GRM1: variants seen among roughly 807,000 people sequenced by gnomAD.
GRM1 encodes the protein glutamate metabotropic receptor 1.
A neutral mutation model predicts 90.9 loss-of-function variants in GRM1; 33 were observed. The observed-to-expected ratio is 0.36, with a 90% CI of 0.28 to 0.49. The LOEUF is 0.49. GRM1 is among the 20% of genes least tolerant of loss of function. GRM1 has a pLI of 0.99. For missense variants in GRM1, 1,190 were observed against 1,534.3 expected (o/e 0.78, Z 3.75); for synonymous variants, 700 against 613.2 (o/e 1.14, Z -2.09).
At chr6:146,276,819 G>A (rs1782385740) in intron 2 of GRM1, among the ~76,000 whole-genome samples, 1 of 152,158 alleles carries the variant, frequency 6.6e-6, no homozygotes, top group African/African-American at 2.4e-5. Context: ...GTTCTCCAGA[G>A]GCAGGGCACG....
At chr6:146,300,543 G>C (rs756058579) in intron 2 of GRM1, among the ~76,000 whole-genome samples, 1 of 152,184 alleles carries the variant, frequency 6.6e-6, no homozygotes, top group Non-Finnish European at 1.5e-5. Context: ...AAGAATTCTC[G>C]TATGTTAGTG....
In GRM1 at chr6:146,227,449, A is replaced by T. The variant is rs76969109; in HGVS notation, c.950+67852A>T. Among the ~76,000 whole-genome samples the T allele has an allele frequency of 4.4e-3, 675 of 152,304 alleles. 1 individual carries two copies. The highest frequency in any genetic ancestry group is 7.4e-3 in the Non-Finnish European group (500 of 68,018). Reference sequence around the variant, plus strand: ...AAATGTATAATGACATGTGTCCAGCATTGTAGTATCACACAGAATAGTTGC... The same window carrying T: ...AAATGTATAATGACATGTGTCCAGCTTTGTAGTATCACACAGAATAGTTGC... On this transcript the variant is annotated intron_variant, in intron 2 of 7. Coordinates refer to ENST00000282753, the MANE Select transcript of GRM1 (RefSeq NM_001278064.2).
At chr6:146,400,412 A>T (rs1181786343) in intron 7 of GRM1, among the ~76,000 whole-genome samples, 1 of 152,202 alleles carries the variant, frequency 6.6e-6, no homozygotes, top group Non-Finnish European at 1.5e-5. Context: ...AAATAAAAAA[A>T]AATAAAAAAA....
chr6:146,421,933 A>G (rs898508785), intron 7 of GRM1, among the ~76,000 whole-genome samples: 4 of 152,190 alleles, frequency 2.6e-5, no homozygotes, highest in African/African-American at 9.7e-5. Flanking sequence ...GCAAAAATGC[A>G]TTTGGCTTTG....
chr6:146,362,773 G>T (rs996348966), intron 5 of GRM1, among the ~76,000 whole-genome samples: 1 of 149,726 alleles, frequency 6.7e-6, no homozygotes, highest in Non-Finnish European at 1.5e-5. Context: ...CCTAAGAAAA[G>T]AAGACTGCTT....
chr6:146,303,864 T>C (rs1583298198), intron 2 of GRM1, among the ~76,000 whole-genome samples: 1 of 152,296 alleles, frequency 6.6e-6, no homozygotes, highest in African/African-American at 2.4e-5. Context: ...CTGGCTCACA[T>C]GTGCACCTGA....
chr6:146,275,587 C>T (rs1782326969), intron 2 of GRM1, among the ~76,000 whole-genome samples: 1 of 152,002 alleles, frequency 6.6e-6, no homozygotes, highest in Admixed American at 6.6e-5. Flanking sequence ...CTATCTCTAT[C>T]CCTATCCATA....
At chr6:146,393,768 T>C (rs1490167253) in intron 6 of GRM1, among the ~76,000 whole-genome samples, 1 of 152,098 alleles carries the variant, frequency 6.6e-6, no homozygotes, top group Non-Finnish European at 1.5e-5. Context: ...AAAACTACTT[T>C]AAATTTCATA....
At chr6:146,420,429 C>G (rs538670643) in intron 7 of GRM1, among the ~76,000 whole-genome samples, 31 of 152,286 alleles carry the variant, frequency 2.0e-4, no homozygotes, top group Admixed American at 9.2e-4. Flanking sequence ...AGGGATATGC[C>G]CTGTGGTAGA....
intron 1 of GRM1, among the ~76,000 whole-genome samples, chr6:146,114,370 A>G (rs1276370287): frequency 2.0e-5 from 3 of 152,216 alleles, no homozygotes; most frequent in Admixed American, 6.5e-5. Flanking sequence ...GATTTGTTCT[A>G]AAATTAAAAA....
intron 1 of GRM1, among the ~76,000 whole-genome samples, chr6:146,099,201 A>G (rs1562462126): frequency 6.6e-6 from 1 of 152,142 alleles, no homozygotes; most frequent in Non-Finnish European, 1.5e-5. Flanking sequence ...AGCCTAGGCA[A>G]CACAGCAAAA....
intron 1 of GRM1, among the ~76,000 whole-genome samples, chr6:146,052,118 A>C (rs1348628006): frequency 6.6e-6 from 1 of 152,054 alleles, no homozygotes; most frequent in African/African-American, 2.4e-5. Flanking sequence ...GGATTTTTTT[A>C]AATTTTAAAT....
At chr6:146,312,271 G>A (rs1305027302) in intron 3 of GRM1, among the ~76,000 whole-genome samples, 1 of 149,494 alleles carries the variant, frequency 6.7e-6, no homozygotes, top group Non-Finnish European at 1.5e-5. Flanking sequence ...AACCCAGGAG[G>A]CGGAGCTTGC....
chr6:146,295,425 G>T (rs1219929596), intron 2 of GRM1, among the ~76,000 whole-genome samples: 2 of 151,396 alleles, frequency 1.3e-5, no homozygotes, highest in Non-Finnish European at 2.9e-5. Context: ...TAGAGACGGG[G>T]TTTCATCATG....
chr6:146,262,279 T>C (rs910934883), intron 2 of GRM1, among the ~76,000 whole-genome samples: 19 of 152,012 alleles, frequency 1.2e-4, no homozygotes, highest in African/African-American at 4.6e-4. Flanking sequence ...GTAGAAAAAA[T>C]TATCTTGACA....
intron 1 of GRM1, among the ~76,000 whole-genome samples, chr6:146,084,279 CT>C (rs1776466899): frequency 6.6e-6 from 1 of 151,800 alleles, no homozygotes; most frequent in Non-Finnish European, 1.5e-5. Context: ...CTTCTGCTGG[CT>C]TTTGGATTTG....
At chr6:146,196,288 T>G (rs1779115870) in intron 2 of GRM1, among the ~76,000 whole-genome samples, 1 of 138,952 alleles carries the variant, frequency 7.2e-6, no homozygotes, top group Non-Finnish European at 1.5e-5. Flanking sequence ...TCTAGTGCAG[T>G]GGATTTTTTT....
chr6:146,213,719 GATA>G (rs1779760396), intron 2 of GRM1, among the ~76,000 whole-genome samples: 1 of 151,998 alleles, frequency 6.6e-6, no homozygotes, highest in East Asian at 1.9e-4. Flanking sequence ...TAGATAGATA[GATA>G]GATAGATAGA....
intron 4 of GRM1, among the ~76,000 whole-genome samples, chr6:146,356,518 T>C (rs542008464): frequency 1.3e-5 from 2 of 152,288 alleles, no homozygotes; most frequent in East Asian, 1.9e-4. Context: ...TTCCTCCTAA[T>C]ACCATCACCT....
Sources: allele counts gnomAD v4.1 joint callset (sites outside exome capture counted in the v4.1 genomes callset), GRCh38; gene constraint gnomAD v4.1.1; transcripts MANE v1.5; gene names NCBI Gene and HGNC (gene_info 2026-07-23, HGNC 2026-07-21).